Variants in CTNNA2 observed in about 807,000 individuals in gnomAD.
CTNNA2 encodes catenin alpha 2.
A neutral mutation model predicts 101.0 loss-of-function variants in CTNNA2; 42 were observed. That is an observed-to-expected ratio of 0.42 (90% CI 0.32 to 0.54). The LOEUF is 0.54. Among genes scored for constraint, CTNNA2 ranks in the 20% least tolerant of loss-of-function variants. The pLI is 0.14. For synonymous variants in CTNNA2, 450 were observed against 456.4 expected, an observed-to-expected ratio of 0.99 and a Z score of 0.18; for missense variants, 871 against 1,223.1, an observed-to-expected ratio of 0.71 and a Z score of 4.29.
chr2:79,971,141 G>A (rs563184108), intron 7 of CTNNA2, among the ~76,000 whole-genome samples: 2 of 152,086 alleles, frequency 1.3e-5, no homozygotes, highest in Non-Finnish European at 2.9e-5. Flanking sequence ...TCTACCTAAG[G>A]CTGTCTGATA....
At chr2:80,014,418 C>G (rs1693995778) in intron 7 of CTNNA2, among the ~76,000 whole-genome samples, 2 of 150,780 alleles carry the variant, frequency 1.3e-5, no homozygotes, top group Non-Finnish European at 3.0e-5. Flanking sequence ...TTAAAGTTTT[C>G]CTAATCTTTT....
intron 7 of CTNNA2, among the ~76,000 whole-genome samples, chr2:80,221,373 G>A (rs1708566468): frequency 1.3e-5 from 2 of 152,286 alleles, no homozygotes; most frequent in South Asian, 4.1e-4. Flanking sequence ...TGGTAGAGAA[G>A]GAAGTGATAT....
chr2:79,343,934 A>G (rs2104431446), intron 3 of CTNNA2, among the ~76,000 whole-genome samples: 1 of 152,264 alleles, frequency 6.6e-6, no homozygotes, highest in South Asian at 2.1e-4. Context: ...ATAAAAATAT[A>G]TGTATACATG....
intron 7 of CTNNA2, among the ~76,000 whole-genome samples, chr2:80,175,719 G>A (rs1044133655): frequency 2.0e-5 from 3 of 152,198 alleles, no homozygotes; most frequent in African/African-American, 7.2e-5. Flanking sequence ...CTGTCTGCAA[G>A]CTGAGGAGCA....
chr2:79,407,753 A>C (rs1191022318), intron 4 of CTNNA2, among the ~76,000 whole-genome samples: 3 of 151,984 alleles, frequency 2.0e-5, no homozygotes, highest in East Asian at 3.9e-4. Flanking sequence ...CACGGAGAAA[A>C]CACAGAAAAG....
chr2:79,603,811 A>T lies in CTNNA2; in HGVS notation c.-5-47741A>T, dbSNP rs191760513. ...GACCTCAGGCCATGTCCCTTAGGAG[A>T]GTAGCTTGAGGAGCTATAGTATGTA... is the stretch of plus-strand genomic sequence containing the variant. On this transcript the variant is annotated intron_variant, in intron 1 of 18. Coordinates refer to ENST00000402739, the MANE Select transcript of CTNNA2 (RefSeq NM_001282597.3). Among the ~76,000 whole-genome samples, 391 of 152,282 alleles carry T rather than the reference A, an allele frequency of 2.6e-3. 4 individuals carry two copies. Among genetic ancestry groups the T allele is most frequent in the African/African-American group, 9.0e-3 (375 of 41,562 alleles).
intron 2 of CTNNA2, among the ~76,000 whole-genome samples, chr2:79,682,427 A>G (rs1397942928): frequency 2.0e-5 from 3 of 150,602 alleles, no homozygotes; most frequent in African/African-American, 7.3e-5. Flanking sequence ...AAAAAAAAAA[A>G]AAAAAGAAGA....
At chr2:80,059,194 C>T (rs1697414545) in intron 7 of CTNNA2, among the ~76,000 whole-genome samples, 1 of 152,160 alleles carries the variant, frequency 6.6e-6, no homozygotes, top group African/African-American at 2.4e-5. Flanking sequence ...TTGACCCACA[C>T]CATATTTCAT....
chr2:80,043,160 TCC>T (rs1696279237), intron 7 of CTNNA2, among the ~76,000 whole-genome samples: 1 of 107,290 alleles, frequency 9.3e-6, no homozygotes, highest in African/African-American at 3.7e-5. Flanking sequence ...CTTCCTTCCT[TCC>T]TTCCTTCCTT....
chr2:80,079,764 G>A (rs564113745), intron 7 of CTNNA2, among the ~76,000 whole-genome samples: 4,913 of 149,830 alleles, frequency 0.033, 274 homozygotes, highest in African/African-American at 0.11. Flanking sequence ...CAGTGAGCCG[G>A]GATTGCGCCA....
At chr2:79,916,973 G>C (rs1284483088) in intron 7 of CTNNA2, among the ~76,000 whole-genome samples, 5 of 152,058 alleles carry the variant, frequency 3.3e-5, no homozygotes, top group Non-Finnish European at 7.4e-5. Flanking sequence ...TTGAGACGGA[G>C]TCTGGCTCTA....
intron 7 of CTNNA2, among the ~76,000 whole-genome samples, chr2:79,973,952 G>GTTTGTTTTGT (rs34034577): frequency 4.0e-5 from 6 of 151,478 alleles, no homozygotes; most frequent in African/African-American, 7.3e-5. Flanking sequence ...TTGTTTGTTT[G>GTTTGTTTTGT]TTTGTTTTGT....
intron 7 of CTNNA2, among the ~76,000 whole-genome samples, chr2:79,931,174 G>A (rs1249617556): frequency 6.6e-6 from 1 of 152,148 alleles, no homozygotes; most frequent in Middle Eastern, 3.2e-3. Context: ...TGTTCACTGT[G>A]TATGTGTTAA....
intron 7 of CTNNA2, among the ~76,000 whole-genome samples, chr2:79,958,468 T>C (rs1415650743): frequency 6.6e-6 from 1 of 151,910 alleles, no homozygotes; most frequent in Non-Finnish European, 1.5e-5. Flanking sequence ...GAGGTCAGAG[T>C]GATGCCATAT....
intron 6 of CTNNA2, among the ~76,000 whole-genome samples, chr2:79,893,946 C>G (rs184635961): frequency 1.4e-3 from 209 of 152,010 alleles, no homozygotes; most frequent in African/African-American, 4.9e-3. Flanking sequence ...CTGAAAAATT[C>G]TCTAACTAAA....
At chr2:79,763,979 A>C (rs560303943) in intron 3 of CTNNA2, among the ~76,000 whole-genome samples, 2 of 152,220 alleles carry the variant, frequency 1.3e-5, no homozygotes, top group African/African-American at 2.4e-5. Context: ...AGCCCACTCC[A>C]TCCACTCCCC....
intron 7 of CTNNA2, among the ~76,000 whole-genome samples, chr2:80,264,359 T>C (rs1052181964): frequency 6.6e-6 from 1 of 152,206 alleles, no homozygotes. Context: ...TAATCTGGAC[T>C]TGTATGTCAG....
chr2:79,641,976 GTAT>G (rs1436834287), intron 1 of CTNNA2, among the ~76,000 whole-genome samples: 2 of 152,096 alleles, frequency 1.3e-5, no homozygotes, highest in Non-Finnish European at 2.9e-5. Context: ...TCTAGGCCAT[GTAT>G]TATTAGTCTT....
intron 1 of CTNNA2, among the ~76,000 whole-genome samples, chr2:79,633,320 G>A (rs1240537890): frequency 6.6e-6 from 1 of 152,144 alleles, no homozygotes; most frequent in Non-Finnish European, 1.5e-5. Context: ...GTGCACAGGG[G>A]AGAAGGACAT....
Sources: gnomAD v4.1 joint callset for allele counts (sites outside exome capture counted in the v4.1 genomes callset) on GRCh38, gnomAD v4.1.1 for gene constraint, MANE v1.5 for transcripts, NCBI Gene and HGNC (gene_info 2026-07-23, HGNC 2026-07-21) for gene names.